The following TIMM17A variants were observed in gnomAD, a reference collection of about 807,000 sequenced individuals.
The protein encoded by TIMM17A is translocase of inner mitochondrial membrane 17A.
In TIMM17A, 15 loss-of-function variants were observed where a neutral mutation model predicts 26.5. That is an observed-to-expected ratio of 0.57 (90% CI 0.38 to 0.87). TIMM17A has a LOEUF of 0.87. Ranked by LOEUF, TIMM17A falls within the 40% of genes least tolerant of loss-of-function variation. The probability of loss-of-function intolerance (pLI) is 0.00; values close to 1 mark genes in which losing one functional copy is unlikely to be tolerated. For synonymous variants in TIMM17A, 80 were observed against 70.8 expected (o/e 1.13, Z -0.66); for missense variants, 201 against 210.0 (o/e 0.96, Z 0.27).
At chr1:201,969,106 A>G (rs776876474) in intron 5 of TIMM17A, among the ~76,000 whole-genome samples, 34 of 152,222 alleles carry the variant, frequency 2.2e-4, no homozygotes, top group Non-Finnish European at 4.6e-4. Context: ...AGCTACTGAA[A>G]AATATGACAA....
intron 4 of TIMM17A, among the ~76,000 whole-genome samples, 194 bp downstream of exon 4, chr1:201,963,938 G>A (rs1682577993): frequency 6.6e-6 from 1 of 151,698 alleles, no homozygotes; most frequent in South Asian, 2.1e-4. Flanking sequence ...CAGATATAGG[G>A]AGACCTGGTC....
Position 201,957,501 on chromosome 1 carries a change from T to G in TIMM17A, c.127-10T>G. On this transcript the variant is annotated splice_polypyrimidine_tract_variant and intron_variant, in intron 2 of 5. Transcript: ENST00000367287. The stretch of plus-strand genomic sequence containing the variant: ...ATATATTTTTTGTTGCTTCCTTTTT[T>G]TTGTTATAGGGAGTAAACCACAGAC... 6.2e-7 allele frequency: 1 copy of G among 1,612,380 alleles called. No homozygotes were observed. The highest frequency in any genetic ancestry group is 8.5e-7 in the Non-Finnish European group (1 of 1,179,576).
In TIMM17A at chr1:201,955,563, C is replaced by A. The variant is rs370079706; in HGVS notation, c.26+11C>A. ...CGCGCGAGAGCCTTGGTGAGCTTCA[C>A]CGCTGTCTTTGCATTTCTCTTGCCC... On this transcript the variant is annotated intron_variant, in intron 1 of 5. Transcript: ENST00000367287. 1.2e-6 allele frequency: 2 copies of A among 1,614,250 alleles called. No individual in the cohort carries two copies. The highest frequency in any genetic ancestry group is 2.2e-5 in the South Asian group (2 of 91,088).
rs149179579 is a variant in TIMM17A at position 201,963,714 on chromosome 1, G to T, written c.289G>T (p.Ala97Ser). The T allele has an allele frequency of 2.5e-6, 4 of 1,610,474 alleles. No individual in the cohort carries two copies. In the African/African-American group the frequency reaches 5.4e-5, roughly 22 times the overall value. ...EDPWNSITSG[A>S]LTGAILAARN... Reference sequence around the variant, plus strand: ...TCCCTGGAACTCCATCACAAGTGGTGCCTTAACGGGAGCCATACTGGCAGC... The same window carrying T: ...TCCCTGGAACTCCATCACAAGTGGTTCCTTAACGGGAGCCATACTGGCAGC... The change falls in exon 4 of 6, where the codon GCC (alanine) becomes TCC (serine). Residue 97 changes from alanine (A) to serine (S), a missense_variant. Ala to Ser is a moderately conservative substitution (Grantham distance 99). Coordinates refer to ENST00000367287, the MANE Select transcript of TIMM17A (RefSeq NM_006335.3).
chr1:201,958,253 G>A lies in TIMM17A; in HGVS notation c.190+679G>A, dbSNP rs547436169. ...TCATGCAGGAGAAACCCATCAAGCC[G>A]ATTGGGCTCTTCTCCAAGGTTGGTT... On this transcript the variant is annotated intron_variant, in intron 3 of 5. Coordinates refer to ENST00000367287, the MANE Select transcript of TIMM17A (RefSeq NM_006335.3). Among the ~76,000 whole-genome samples, 19 of 152,316 alleles carry A rather than the reference G, an allele frequency of 1.2e-4. 1 individual carries two copies. In the South Asian group the frequency reaches 3.5e-3, roughly 28 times the overall value.
chr1:201,957,119 T>G (rs1186424291), intron 1 of TIMM17A, among the ~76,000 whole-genome samples, 162 bp from the exon 2 acceptor site: 4 of 152,358 alleles, frequency 2.6e-5, no homozygotes, highest in Non-Finnish European at 5.9e-5. Context: ...CTGCCCTGTT[T>G]GATTACAGCA....
intron 1 of TIMM17A, among the ~76,000 whole-genome samples, chr1:201,956,103 C>T (rs1682405045): frequency 1.3e-5 from 2 of 152,086 alleles, no homozygotes; most frequent in South Asian, 4.1e-4. Context: ...CCTTGTTTTC[C>T]TTCTTGGAAT....
At chr1:201,960,018 A>G (rs979044317) in intron 3 of TIMM17A, among the ~76,000 whole-genome samples, 1 of 151,850 alleles carries the variant, frequency 6.6e-6, no homozygotes, top group Non-Finnish European at 1.5e-5. Flanking sequence ...AAATAAATAA[A>G]TAAAAATAAA....
intron 5 of TIMM17A, among the ~76,000 whole-genome samples, chr1:201,968,248 G>A (rs542453649): frequency 4.6e-5 from 7 of 151,910 alleles, no homozygotes; most frequent in South Asian, 4.2e-4. Flanking sequence ...TGATCCGCCC[G>A]CCTTGACCTC....
At chr1:201,958,982 C>A (rs2102941814) in intron 3 of TIMM17A, among the ~76,000 whole-genome samples, 1 of 152,220 alleles carries the variant, frequency 6.6e-6, no homozygotes, top group East Asian at 1.9e-4. Flanking sequence ...TAACTAATTT[C>A]TCTTTGTTTT....
At chr1:201,957,603 T>C in intron 3 of TIMM17A, 29 bp downstream of exon 3, 2 of 1,560,650 alleles carry the variant, frequency 1.3e-6, no homozygotes, top group East Asian at 2.2e-5. Context: ...TTAACTGAAC[T>C]ATTTTTTTCT....
At chr1:201,957,462 G>A in intron 2 of TIMM17A, 49 bp from the exon 3 acceptor site, 1 of 1,603,630 alleles carries the variant, frequency 6.2e-7, no homozygotes, top group Non-Finnish European at 8.5e-7. Context: ...CAGTGGCTTA[G>A]AAATGTACTT....
intron 3 of TIMM17A, 117 bp downstream of exon 3, chr1:201,957,691 C>A: frequency 2.5e-6 from 2 of 800,994 alleles, no homozygotes; most frequent in Non-Finnish European, 4.0e-6. Context: ...CGGTTTGTCA[C>A]AAACATATAT....
chr1:201,960,784 G>C (rs1431086683), intron 3 of TIMM17A, among the ~76,000 whole-genome samples: 1 of 151,456 alleles, frequency 6.6e-6, no homozygotes, highest in Non-Finnish European at 1.5e-5. Flanking sequence ...TTTGAGATAG[G>C]GTCACCCAGG....
chr1:201,959,646 G>T (rs532734288), intron 3 of TIMM17A, among the ~76,000 whole-genome samples: 1 of 151,808 alleles, frequency 6.6e-6, no homozygotes. Context: ...AGAGTGAGAC[G>T]CTGTCTCAAA....
At position 201,964,635 on chromosome 1, in the gene TIMM17A, CTTTTTTTTTTTTTTT is replaced by C. The variant is rs570309464; in HGVS notation, c.320-781_320-767del. ...TTTATTTATTTATTTTATTTTATTTCTTTTTTTTTTTTTTTTTTTTTTTTTTTTTTTGAGACTGAG... is the reference window on the plus strand; with the variant it reads ...TTTATTTATTTATTTTATTTTATTTCTTTTTTTTTTTTTTTTGAGACTGAG... On this transcript the variant is annotated intron_variant, in intron 4 of 5. Coordinates refer to ENST00000367287, the MANE Select transcript of TIMM17A (RefSeq NM_006335.3). Among the ~76,000 whole-genome samples, 12 of 90,964 alleles carry C rather than the reference CTTTTTTTTTTTTTTT, an allele frequency of 1.3e-4. No individual in the cohort carries two copies. The East Asian group carries it at 3.8e-3, about 29-fold the overall frequency. 59.7% of individuals were successfully genotyped at this position (90,964 alleles called of 152,430 possible). A position where few individuals can be genotyped will look rare whatever the true frequency, so the allele number is the denominator to read the frequency against.
intron 3 of TIMM17A, among the ~76,000 whole-genome samples, chr1:201,959,010 T>C (rs1682475721): frequency 6.6e-6 from 1 of 152,228 alleles, no homozygotes; most frequent in Non-Finnish European, 1.5e-5. Context: ...GTGGTTATTG[T>C]GTTATTCAAG....
At position 201,957,264 on chromosome 1, in the gene TIMM17A, T is replaced by C. The variant is rs1415061902; in HGVS notation, c.27-17T>C. Reference sequence around the variant, plus strand: ...TGTGAATGAGAAATATGGTCTTTTTTTTCCCCCTGTTCTTAGCCCATGGCG... The same window carrying C: ...TGTGAATGAGAAATATGGTCTTTTTCTTCCCCCTGTTCTTAGCCCATGGCG... On this transcript the variant is annotated splice_polypyrimidine_tract_variant and intron_variant, in intron 1 of 5. Transcript: ENST00000367287. The C allele has an allele frequency of 6.6e-7, 1 of 1,524,124 alleles. No homozygotes were observed. Among genetic ancestry groups the C allele is most frequent in the African/African-American group, 1.4e-5 (1 of 72,402 alleles). 94.4% of individuals were successfully genotyped at this position (1,524,124 alleles called of 1,614,324 possible).
intron 3 of TIMM17A, chr1:201,957,903 C>T (rs1297687865): frequency 2.9e-5 from 6 of 206,914 alleles, no homozygotes; most frequent in Admixed American, 1.1e-4. Context: ...TTTGGGAGGC[C>T]GAGGTGGGCA....
Sources: allele counts gnomAD v4.1 joint callset (sites outside exome capture counted in the v4.1 genomes callset), GRCh38; gene constraint gnomAD v4.1.1; transcripts MANE v1.5; gene names NCBI Gene and HGNC (gene_info 2026-07-23, HGNC 2026-07-21).